The following PTCSC3 variants were observed in gnomAD, a reference collection of about 807,000 sequenced individuals.
PTCSC3 encodes the protein papillary thyroid carcinoma susceptibility candidate 3 (non-protein coding).
intron 1 of PTCSC3, among the ~76,000 whole-genome samples, chr14:36,162,896 G>A (rs943153338): frequency 3.9e-5 from 6 of 152,208 alleles, no homozygotes; most frequent in Non-Finnish European, 8.8e-5. Context: ...CTTATATGGT[G>A]TCAGTTCTCT....
intron 1 of PTCSC3, among the ~76,000 whole-genome samples, chr14:36,167,510 T>C (rs1260360958): frequency 5.3e-5 from 8 of 152,172 alleles, no homozygotes; most frequent in Admixed American, 5.2e-4. Context: ...TCGATAGTCA[T>C]GTTCAGTCCT....
chr14:36,163,914 A>G (rs1882030500), intron 1 of PTCSC3, among the ~76,000 whole-genome samples: 1 of 152,224 alleles, frequency 6.6e-6, no homozygotes, highest in Admixed American at 6.5e-5. Context: ...TGACCTCAAT[A>G]ATGCAAATGC....
intron 1 of PTCSC3, among the ~76,000 whole-genome samples, chr14:36,163,748 G>A (rs941290369): frequency 3.9e-5 from 6 of 152,168 alleles, no homozygotes; most frequent in Middle Eastern, 3.4e-3. Flanking sequence ...AAAATAGAAC[G>A]GCACGAATCC....
At chr14:36,154,962 T>A (rs1881798847) in intron 2 of PTCSC3, among the ~76,000 whole-genome samples, 1 of 152,200 alleles carries the variant, frequency 6.6e-6, no homozygotes, top group Admixed American at 6.5e-5. Flanking sequence ...CATTCACAAA[T>A]TAGTTCTTTA....
At chr14:36,150,681 GA>G (rs1326183812) in intron 3 of PTCSC3, among the ~76,000 whole-genome samples, 1 of 151,824 alleles carries the variant, frequency 6.6e-6, no homozygotes, top group Admixed American at 6.6e-5. Context: ...TCCTTTCTTA[GA>G]AATCGATTAA....
chr14:36,155,545 G>T (rs10130121), intron 2 of PTCSC3, among the ~76,000 whole-genome samples: 13,293 of 152,072 alleles, frequency 0.087, 694 homozygotes, highest in Middle Eastern at 0.18. Flanking sequence ...GCATAAGAGA[G>T]TCTTAGTTAG....
chr14:36,163,261 G>A (rs1050093248), intron 1 of PTCSC3, among the ~76,000 whole-genome samples: 2 of 151,830 alleles, frequency 1.3e-5, no homozygotes, highest in African/African-American at 2.4e-5. Flanking sequence ...AGCATAAATG[G>A]GGAGAAATTA....
At chr14:36,165,898 C>T (rs905987389) in intron 1 of PTCSC3, among the ~76,000 whole-genome samples, 2 of 151,934 alleles carry the variant, frequency 1.3e-5, no homozygotes, top group African/African-American at 2.4e-5. Context: ...ACTTGCTTAG[C>T]GGTTTTGTGA....
chr14:36,150,836 A>T lies in PTCSC3; in HGVS notation n.322+2968T>A, dbSNP rs1881704801. On this transcript the variant is annotated intron_variant and non_coding_transcript_variant, in intron 3 of 3. Transcript: ENST00000556013. ...CCAATGTCTTCTCATTCCTTATAAC[A>T]TTGGTGCATTTATTCTATTTATTCG... 2.6e-5 allele frequency among the ~76,000 whole-genome samples: 4 copies of T among 152,170 alleles called. No homozygotes were observed. The South Asian group carries it at 8.3e-4, about 31-fold the overall frequency.
intron 3 of PTCSC3, among the ~76,000 whole-genome samples, chr14:36,137,947 A>G (rs554653689): frequency 1.3e-5 from 2 of 152,338 alleles, no homozygotes; most frequent in East Asian, 3.9e-4. Flanking sequence ...ATTGATAGCA[A>G]TAAAGTCCTG....
chr14:36,165,837 T>A (rs1484922798), intron 1 of PTCSC3, among the ~76,000 whole-genome samples: 1 of 152,040 alleles, frequency 6.6e-6, no homozygotes, highest in East Asian at 1.9e-4. Context: ...ACTTTCACAT[T>A]TGGCGAGGCA....
chr14:36,155,682 C>T (rs1296627881), intron 2 of PTCSC3, among the ~76,000 whole-genome samples: 1 of 152,076 alleles, frequency 6.6e-6, no homozygotes. Context: ...TTCTTCCTCT[C>T]TTTCTCTGTG....
At chr14:36,147,819 G>A (rs1318537356) in intron 3 of PTCSC3, among the ~76,000 whole-genome samples, 1 of 151,788 alleles carries the variant, frequency 6.6e-6, no homozygotes, top group Non-Finnish European at 1.5e-5. Flanking sequence ...TTTGATGATG[G>A]TGATGTACAG....
intron 2 of PTCSC3, among the ~76,000 whole-genome samples, chr14:36,161,977 T>C (rs1881965995): frequency 6.6e-6 from 1 of 152,068 alleles, no homozygotes; most frequent in South Asian, 2.1e-4. Flanking sequence ...CGTCTCCAAG[T>C]TCGAACTTGC....
intron 1 of PTCSC3, among the ~76,000 whole-genome samples, chr14:36,169,222 T>A (rs989789358): frequency 2.2e-4 from 34 of 152,280 alleles, no homozygotes; most frequent in Admixed American, 5.9e-4. Flanking sequence ...AATTTTTTTT[T>A]AAATTTTTAA....
chr14:36,139,478 G>T (rs1594442840), intron 3 of PTCSC3, among the ~76,000 whole-genome samples: 1 of 152,012 alleles, frequency 6.6e-6, no homozygotes, highest in Admixed American at 6.5e-5. Flanking sequence ...TCATTATACT[G>T]TTTTACCACC....
At chr14:36,156,292 T>C (rs543440405) in intron 2 of PTCSC3, among the ~76,000 whole-genome samples, 1 of 152,312 alleles carries the variant, frequency 6.6e-6, no homozygotes, top group East Asian at 1.9e-4. Flanking sequence ...ACGCTGATGT[T>C]TCTGAAGGGC....
intron 1 of PTCSC3, among the ~76,000 whole-genome samples, chr14:36,172,580 T>A (rs1411369190): frequency 6.6e-6 from 1 of 152,166 alleles, no homozygotes; most frequent in Non-Finnish European, 1.5e-5. Flanking sequence ...TAATGTTCCT[T>A]GTTTTCAAAT....
chr14:36,151,374 G>A (rs574707304), intron 3 of PTCSC3, among the ~76,000 whole-genome samples: 5 of 151,486 alleles, frequency 3.3e-5, no homozygotes, highest in Admixed American at 1.3e-4. Context: ...TTGGGTATTC[G>A]TTCCCTTGGT....
Sources: allele counts gnomAD v4.1 joint callset (sites outside exome capture counted in the v4.1 genomes callset), GRCh38; gene constraint gnomAD v4.1.1; transcripts MANE v1.5; gene names NCBI Gene and HGNC (gene_info 2026-07-23, HGNC 2026-07-21).